The following GOLGA8S variants were observed in gnomAD, a reference collection of about 807,000 sequenced individuals.
GOLGA8S encodes golgin subfamily A member 8S.
In GOLGA8S, 23 loss-of-function variants were observed where a neutral mutation model predicts 58.9. The observed-to-expected ratio is 0.39, with a 90% CI of 0.28 to 0.55. The LOEUF is 0.55. GOLGA8S is among the 20% of genes least tolerant of loss of function. GOLGA8S has a pLI of 0.63. For missense variants in GOLGA8S, 266 were observed against 514.2 expected, an observed-to-expected ratio of 0.52 and a Z score of 4.67; for synonymous variants, 84 against 195.7, an observed-to-expected ratio of 0.43 and a Z score of 4.76.
chr15:23,365,294 T>C, downstream of GOLGA8S: 1 of 845,408 alleles, frequency 1.2e-6, no homozygotes. Context: ...TGTAAAAAGT[T>C]AAAAGAGAGT....
intron 1 of GOLGA8S, among the ~76,000 whole-genome samples, 168 bp from the exon 2 acceptor site, chr15:23,356,423 A>T (rs1353964889): frequency 1.6e-5 from 2 of 124,690 alleles, no homozygotes; most frequent in East Asian, 7.3e-4. Flanking sequence ...TTTTCTAGCC[A>T]TGATATCAAT....
intron 4 of GOLGA8S, among the ~76,000 whole-genome samples, 172 bp from the exon 5 acceptor site, chr15:23,358,300 C>A (rs541251623): frequency 6.6e-6 from 1 of 152,406 alleles, no homozygotes; most frequent in East Asian, 1.9e-4. Flanking sequence ...CCAACAAAGA[C>A]CCAAATCCTC....
downstream of GOLGA8S, chr15:23,366,536 T>C (rs1438396813): frequency 6.6e-6 from 1 of 152,118 alleles, no homozygotes; most frequent in Non-Finnish European, 1.5e-5. Flanking sequence ...TGCAATCTAC[T>C]GTTCGTGAAT....
chr15:23,362,662 G>T (rs1206099023), intron 13 of GOLGA8S, among the ~76,000 whole-genome samples: 3 of 140,680 alleles, frequency 2.1e-5, no homozygotes, highest in Non-Finnish European at 4.7e-5. Context: ...GAGATTTGAG[G>T]CTGGGGAAGG....
At chr15:23,366,641 G>A (rs2069927459), downstream of GOLGA8S, 1 of 151,816 alleles carries the variant, frequency 6.6e-6, no homozygotes, top group African/African-American at 2.4e-5. Context: ...TGTATCTCTG[G>A]GTTTCTGTTC....
At chr15:23,366,707 C>A (rs1342266665), downstream of GOLGA8S, 1 of 151,460 alleles carries the variant, frequency 6.6e-6, no homozygotes, top group Non-Finnish European at 1.5e-5. Context: ...TGAATGAATG[C>A]ATTTCAGTTA....
downstream of GOLGA8S, chr15:23,366,546 T>C (rs1382181632): frequency 6.6e-6 from 1 of 152,146 alleles, no homozygotes; most frequent in Non-Finnish European, 1.5e-5. Context: ...TGTTCGTGAA[T>C]GTCAATGTAT....
chr15:23,361,554 TG>T, intron 12 of GOLGA8S, 98 bp downstream of exon 12: 1 of 657,128 alleles, frequency 1.5e-6, no homozygotes. Context: ...TCAAGTGAAA[TG>T]TTACTCCTAA....
At chr15:23,366,368 T>C (rs2069922175), downstream of GOLGA8S, 1 of 151,472 alleles carries the variant, frequency 6.6e-6, no homozygotes, top group African/African-American at 2.4e-5. Context: ...TCTTTTTCCT[T>C]GAATGGAAAA....
downstream of GOLGA8S, chr15:23,366,632 G>T (rs2069927291): frequency 6.6e-6 from 1 of 151,958 alleles, no homozygotes; most frequent in South Asian, 2.1e-4. Flanking sequence ...ATATGTTTTT[G>T]TATCTCTGGG....
exon 11 of GOLGA8S, chr15:23,360,742 G>C (rs2069774100): frequency 1.8e-6 from 2 of 1,114,914 alleles, no homozygotes; most frequent in African/African-American, 3.1e-5. Flanking sequence ...GCTCGTTGAA[G>C]AAGGAGAAGA....
At position 23,364,460 on chromosome 15, in the gene GOLGA8S, G is replaced by A; in HGVS notation, c.1448+17G>A. The A allele has an allele frequency of 6.2e-7, 1 of 1,604,586 alleles. No individual in the cohort carries two copies. The highest frequency in any genetic ancestry group is 8.5e-7 in the Non-Finnish European group (1 of 1,178,514). The stretch of plus-strand genomic sequence containing the variant: ...ATGCCATCAGTGAGTGGGAGGCCAG[G>A]GCACAGCAGGGGGAGCTACAGGGCC... On this transcript the variant is annotated intron_variant, in intron 16 of 18. Transcript: ENST00000562295.
In GOLGA8S at chr15:23,360,709, C is replaced by T. The variant is rs745513866; in HGVS notation, c.787-19C>T. The stretch of plus-strand genomic sequence containing the variant: ...CCAGCCCCTCTCTCCAGGGCCCTTT[C>T]CCCCTGTGCTTTGGGCAGGTTTGCT... On this transcript the variant is annotated intron_variant, in intron 10 of 18. Transcript: ENST00000562295. 6 of 1,069,436 alleles carry T rather than the reference C, an allele frequency of 5.6e-6. No individual in the cohort carries two copies. The highest frequency in any genetic ancestry group is 8.7e-6 in the Non-Finnish European group (6 of 686,670). 66.2% of individuals were successfully genotyped at this position (1,069,436 alleles called of 1,614,324 possible).
chr15:23,359,904 T>C (rs921206153), intron 8 of GOLGA8S, among the ~76,000 whole-genome samples: 2 of 148,340 alleles, frequency 1.3e-5, no homozygotes, highest in African/African-American at 2.5e-5. Context: ...AGTAACTGTC[T>C]CCCATGGTGG....
chr15:23,354,934 G>C, intron 1 of GOLGA8S, 41 bp downstream of exon 1: 1 of 358,348 alleles, frequency 2.8e-6, no homozygotes, highest in Non-Finnish European at 5.1e-6. Flanking sequence ...CCCAGCCATA[G>C]ATCCTCTCCA....
chr15:23,365,462 C>T (rs886280835), downstream of GOLGA8S: 12 of 437,970 alleles, frequency 2.7e-5, no homozygotes, highest in Middle Eastern at 6.9e-4. Flanking sequence ...AAACTGTTCT[C>T]GCTGGTTTGG....
downstream of GOLGA8S, chr15:23,365,406 C>G: frequency 1.7e-6 from 1 of 579,860 alleles, no homozygotes; most frequent in Non-Finnish European, 3.0e-6. Context: ...CGAGTTTGCC[C>G]TTACGTGGTG....
At chr15:23,361,143 T>C (rs1327053363) in intron 11 of GOLGA8S, 78 bp from the exon 12 acceptor site, 80 of 956,528 alleles carry the variant, frequency 8.4e-5, no homozygotes, top group Non-Finnish European at 1.1e-4. Context: ...TTTTTTCTTT[T>C]CTTTTCTTTT....
intron 4 of GOLGA8S, among the ~76,000 whole-genome samples, 185 bp downstream of exon 4, chr15:23,357,804 T>C (rs2069711915): frequency 6.7e-6 from 1 of 149,404 alleles, no homozygotes; most frequent in Non-Finnish European, 1.5e-5. Context: ...CTGCCCTGTT[T>C]GCTGACTCTC....
Sources: allele counts gnomAD v4.1 joint callset (sites outside exome capture counted in the v4.1 genomes callset), GRCh38; gene constraint gnomAD v4.1.1; transcripts MANE v1.5; gene names NCBI Gene and HGNC (gene_info 2026-07-23, HGNC 2026-07-21).